ITFG1: variants seen among roughly 807,000 people sequenced by gnomAD.
ITFG1 encodes the protein T-cell immunomodulatory protein.
A neutral mutation model predicts 81.8 loss-of-function variants in ITFG1; 34 were observed. The ratio of observed to expected loss-of-function variants is 0.42; its 90% confidence interval spans 0.32 to 0.55. The LOEUF (loss-of-function observed/expected upper bound fraction) is 0.55, where lower values mean the gene tolerates loss of function less well. ITFG1 is among the 20% of genes least tolerant of loss of function. The pLI, the probability that ITFG1 is intolerant of heterozygous loss-of-function variation, is 0.17. For synonymous variants in ITFG1, 285 were observed against 270.6 expected (o/e 1.05, Z -0.52); for missense variants, 672 against 755.4 (o/e 0.89, Z 1.29).
chr16:47,258,920 A>T (rs1216875886), intron 11 of ITFG1, among the ~76,000 whole-genome samples, 180 bp from the exon 12 acceptor site: 1 of 152,236 alleles, frequency 6.6e-6, no homozygotes, highest in East Asian at 1.9e-4. Context: ...TTTCAATAGT[A>T]AAATATAAAT....
intron 8 of ITFG1, among the ~76,000 whole-genome samples, chr16:47,346,041 C>A (rs563883855): frequency 2.0e-5 from 3 of 152,302 alleles, no homozygotes; most frequent in Admixed American, 6.5e-5. Flanking sequence ...ATATACAGAA[C>A]TTTCCATCCA....
At chr16:47,234,429 G>A (rs1310817940) in intron 13 of ITFG1, among the ~76,000 whole-genome samples, 1 of 152,176 alleles carries the variant, frequency 6.6e-6, no homozygotes, top group East Asian at 1.9e-4. Context: ...TGCCAAAGGT[G>A]TAAATACACG....
chr16:47,329,628 T>C (rs1325741077), intron 8 of ITFG1, among the ~76,000 whole-genome samples: 1 of 152,160 alleles, frequency 6.6e-6, no homozygotes, highest in African/African-American at 2.4e-5. Flanking sequence ...AGTCACTGAG[T>C]GTTTACTATG....
intron 14 of ITFG1, among the ~76,000 whole-genome samples, chr16:47,204,478 A>C (rs1444775359): frequency 6.6e-6 from 1 of 152,234 alleles, no homozygotes; most frequent in Non-Finnish European, 1.5e-5. Flanking sequence ...TCAGCATTTT[A>C]GCTAATAGAA....
chr16:47,289,560 T>G (rs1194962706), intron 10 of ITFG1, among the ~76,000 whole-genome samples: 2 of 152,300 alleles, frequency 1.3e-5, no homozygotes, highest in African/African-American at 4.8e-5. Flanking sequence ...TTCTGTTTCT[T>G]CTTGGTTCAA....
At chr16:47,400,439 G>A (rs1968645940) in intron 6 of ITFG1, among the ~76,000 whole-genome samples, 1 of 150,336 alleles carries the variant, frequency 6.7e-6, no homozygotes, top group Non-Finnish European at 1.5e-5. Flanking sequence ...CCAGTTAATA[G>A]GGAAGACAGA....
At chr16:47,202,518 C>T (rs967103851) in intron 14 of ITFG1, 3 of 151,844 alleles carry the variant, frequency 2.0e-5, no homozygotes, top group Admixed American at 6.6e-5. Context: ...GTTGTCCTAG[C>T]GTTAATTCTT....
intron 16 of ITFG1, among the ~76,000 whole-genome samples, chr16:47,159,431 G>A (rs1303885973): frequency 1.3e-5 from 2 of 152,082 alleles, no homozygotes; most frequent in African/African-American, 4.8e-5. Flanking sequence ...TTTGACCTGT[G>A]TCACATATAT....
At chr16:47,333,069 T>A (rs979445845) in intron 8 of ITFG1, among the ~76,000 whole-genome samples, 1 of 152,166 alleles carries the variant, frequency 6.6e-6, no homozygotes, top group Non-Finnish European at 1.5e-5. Context: ...TGCCCAAAGC[T>A]GTTCTTATTT....
At chr16:47,258,916 T>A (rs1474489984) in intron 11 of ITFG1, among the ~76,000 whole-genome samples, 176 bp from the exon 12 acceptor site, 1 of 152,322 alleles carries the variant, frequency 6.6e-6, no homozygotes, top group African/African-American at 2.4e-5. Flanking sequence ...CAAGTTTCAA[T>A]AGTAAAATAT....
intron 8 of ITFG1, among the ~76,000 whole-genome samples, chr16:47,332,319 T>C (rs1242300073): frequency 1.8e-4 from 28 of 152,196 alleles, no homozygotes; most frequent in Non-Finnish European, 1.5e-5. Context: ...ATCTTTGTTA[T>C]CCATCCTTTC....
chr16:47,290,981 T>C lies in ITFG1; in HGVS notation c.1070+20259A>G, dbSNP rs1966898113. ...TTTTCTTTTAATATCTGTTCTATTA[T>C]CTTTCTCATGTTTTCATGATGGTGA... On this transcript the variant is annotated intron_variant, in intron 10 of 17. Coordinates refer to ENST00000320640, the MANE Select transcript of ITFG1 (RefSeq NM_030790.5). Among the ~76,000 whole-genome samples, 3 of 149,486 alleles carry C rather than the reference T, an allele frequency of 2.0e-5. No individual in the cohort carries two copies. The South Asian group carries it at 6.4e-4, about 32-fold the overall frequency.
chr16:47,425,589 CTTT>C (rs552533924), intron 6 of ITFG1, among the ~76,000 whole-genome samples: 6 of 135,210 alleles, frequency 4.4e-5, no homozygotes, highest in Admixed American at 7.4e-5. Flanking sequence ...AGTGACGCTC[CTTT>C]TTTTTTTTTT....
intron 8 of ITFG1, among the ~76,000 whole-genome samples, chr16:47,341,715 T>G (rs1967787505): frequency 6.6e-6 from 1 of 152,140 alleles, no homozygotes; most frequent in South Asian, 2.1e-4. Flanking sequence ...GAGATGTACA[T>G]AACTAAAGTA....
Position 47,443,084 on chromosome 16 carries a change from A to G in ITFG1, c.560+8312T>C, listed in dbSNP as rs986767080. On this transcript the variant is annotated intron_variant, in intron 5 of 17. Transcript: ENST00000320640. ...AAAACAACCCCATCAAAAAGTGGGC[A>G]AAGGGCATGAACAGACACTTCTCAA... is the stretch of plus-strand genomic sequence containing the variant. Among the ~76,000 whole-genome samples, 46 of 152,344 alleles carry G rather than the reference A, an allele frequency of 3.0e-4. No homozygotes were observed. In the Middle Eastern group the frequency reaches 0.017, roughly 56 times the overall value.
At chr16:47,324,572 G>T (rs932995548) in intron 8 of ITFG1, among the ~76,000 whole-genome samples, 1 of 152,140 alleles carries the variant, frequency 6.6e-6, no homozygotes, top group African/African-American at 2.4e-5. Flanking sequence ...ACCCATCAGT[G>T]GGCTGTATTC....
chr16:47,345,535 G>A (rs1967841895), intron 8 of ITFG1, among the ~76,000 whole-genome samples: 2 of 152,098 alleles, frequency 1.3e-5, no homozygotes, highest in Non-Finnish European at 2.9e-5. Context: ...CTGACCTCAA[G>A]AGATCCGCCC....
At chr16:47,323,959 A>C (rs915253897) in intron 8 of ITFG1, among the ~76,000 whole-genome samples, 1 of 152,214 alleles carries the variant, frequency 6.6e-6, no homozygotes, top group African/African-American at 2.4e-5. Context: ...CTATTGTTTT[A>C]TATGAAGTAT....
intron 12 of ITFG1, chr16:47,238,406 A>G (rs1965898768): frequency 6.4e-6 from 1 of 155,080 alleles, no homozygotes; most frequent in African/African-American, 2.4e-5. Context: ...TCAGTACTTT[A>G]TATCTCAAAC....
Sources: gnomAD v4.1 joint callset for allele counts (sites outside exome capture counted in the v4.1 genomes callset) on GRCh38, gnomAD v4.1.1 for gene constraint, MANE v1.5 for transcripts, NCBI Gene and HGNC (gene_info 2026-07-23, HGNC 2026-07-21) for gene names.